The following GNA14 variants were observed in gnomAD, a reference collection of about 807,000 sequenced individuals.
GNA14 encodes the protein G protein subunit alpha 14, also known as guanine nucleotide-binding protein subunit alpha-14.
Under a neutral mutation model 42.0 loss-of-function variants are expected in GNA14, and 50 were observed. The ratio of observed to expected loss-of-function variants is 1.19; its 90% CI spans 0.95 to 1.51. GNA14 has a LOEUF of 1.51. GNA14 is among the 40% of genes most tolerant of loss of function. The pLI is 0.00. For synonymous variants in GNA14, 173 were observed against 163.1 expected (o/e 1.06, Z -0.46); for missense variants, 473 against 446.2 (o/e 1.06, Z -0.54).
intron 1 of GNA14, among the ~76,000 whole-genome samples, 191 bp from the exon 2 acceptor site, chr9:77,529,444 G>T (rs909034611): frequency 6.6e-6 from 1 of 152,120 alleles, no homozygotes; most frequent in African/African-American, 2.4e-5. Context: ...TCACGCAAGT[G>T]CCATCCTCAG....
intron 2 of GNA14, among the ~76,000 whole-genome samples, chr9:77,440,174 T>A (rs973318641): frequency 6.6e-6 from 1 of 152,278 alleles, no homozygotes; most frequent in Admixed American, 6.5e-5. Flanking sequence ...CCATATTCAC[T>A]GCTCTGACAG....
At chr9:77,427,105 C>T (rs1470050338) in intron 5 of GNA14, among the ~76,000 whole-genome samples, 2 of 152,096 alleles carry the variant, frequency 1.3e-5, no homozygotes, top group African/African-American at 4.8e-5. Context: ...ATATCTACAA[C>T]CAGGAGGGGA....
chr9:77,598,218 A>G (rs528962111), intron 1 of GNA14, among the ~76,000 whole-genome samples: 1 of 152,320 alleles, frequency 6.6e-6, no homozygotes, highest in African/African-American at 2.4e-5. Context: ...TCTATCACCC[A>G]AAAAGTTTGG....
intron 1 of GNA14, among the ~76,000 whole-genome samples, chr9:77,620,578 G>T (rs1291038111): frequency 6.6e-6 from 1 of 152,124 alleles, no homozygotes; most frequent in Non-Finnish European, 1.5e-5. Flanking sequence ...GCTGGGCGTG[G>T]TGGCTCGTGC....
At chr9:77,537,576 CT>C (rs930727553) in intron 1 of GNA14, among the ~76,000 whole-genome samples, 25 of 152,074 alleles carry the variant, frequency 1.6e-4, no homozygotes, top group African/African-American at 5.8e-4. Context: ...ATACAGATTT[CT>C]TTTTTCTTTG....
intron 1 of GNA14, among the ~76,000 whole-genome samples, chr9:77,536,499 C>T (rs977648705): frequency 2.0e-5 from 3 of 152,036 alleles, no homozygotes; most frequent in Non-Finnish European, 2.9e-5. Flanking sequence ...TACAAGCATG[C>T]GCCACCACAC....
Position 77,431,333 on chromosome 9 carries a change from T to G in GNA14, c.581A>C (p.Asn194Thr). 16 of 1,613,714 alleles carry G rather than the reference T, an allele frequency of 9.9e-6. No individual in the cohort carries two copies. The highest frequency in any genetic ancestry group is 1.4e-5 in the Non-Finnish European group (16 of 1,179,762). ...GIIEYPFDLE[N>T]IIFRMVDVGG... Reference sequence around the variant, plus strand: ...GAGACAGACTTACCGAAAGATGATGTTTTCCAAGTCAAATGGATACTCAAT... The same window carrying G: ...GAGACAGACTTACCGAAAGATGATGGTTTCCAAGTCAAATGGATACTCAAT... The change falls in exon 4 of 7, where the codon AAC becomes ACC. Residue 194 changes from asparagine to threonine, a missense_variant. Coordinates refer to ENST00000341700, the MANE Select transcript of GNA14 (RefSeq NM_004297.4).
chr9:77,470,260 T>C (rs1239591583), intron 2 of GNA14, among the ~76,000 whole-genome samples: 3 of 152,144 alleles, frequency 2.0e-5, no homozygotes, highest in Non-Finnish European at 4.4e-5. Context: ...CCTCAGGACA[T>C]GGGCTGACAC....
intron 2 of GNA14, among the ~76,000 whole-genome samples, chr9:77,519,176 C>T (rs533473549): frequency 3.9e-5 from 6 of 152,234 alleles, no homozygotes; most frequent in African/African-American, 7.2e-5. Context: ...TATGGGAGGC[C>T]GAGGCGGGTG....
chr9:77,596,192 A>G (rs1037261861), intron 1 of GNA14, among the ~76,000 whole-genome samples: 1 of 152,080 alleles, frequency 6.6e-6, no homozygotes, highest in Non-Finnish European at 1.5e-5. Context: ...TATAGAGGTC[A>G]ATAAACAAAT....
chr9:77,484,120 T>C (rs1207061134), intron 2 of GNA14, among the ~76,000 whole-genome samples: 1 of 151,874 alleles, frequency 6.6e-6, no homozygotes, highest in Non-Finnish European at 1.5e-5. Context: ...GAAGAAGAAA[T>C]AACAACTGGA....
chr9:77,571,995 A>C (rs1276547943), intron 1 of GNA14, among the ~76,000 whole-genome samples: 1 of 152,096 alleles, frequency 6.6e-6, no homozygotes, highest in African/African-American at 2.4e-5. Flanking sequence ...ACATTGTGTA[A>C]ATGTTGGTTT....
chr9:77,512,261 A>T (rs1837183359), intron 2 of GNA14, among the ~76,000 whole-genome samples: 1 of 152,244 alleles, frequency 6.6e-6, no homozygotes, highest in Non-Finnish European at 1.5e-5. Context: ...CTTCATGTGG[A>T]TTTGAAGTCA....
At chr9:77,437,914 G>A (rs1181726007) in intron 2 of GNA14, among the ~76,000 whole-genome samples, 1 of 152,244 alleles carries the variant, frequency 6.6e-6, no homozygotes, top group Non-Finnish European at 1.5e-5. Context: ...CTACTGCACA[G>A]ATCCTGACTG....
chr9:77,604,885 C>T (rs1284913364), intron 1 of GNA14, among the ~76,000 whole-genome samples: 1 of 152,214 alleles, frequency 6.6e-6, no homozygotes, highest in African/African-American at 2.4e-5. Flanking sequence ...CATTCCAGTC[C>T]TCTGGTGGAT....
chr9:77,525,955 G>A lies in GNA14; in HGVS notation c.309+3114C>T, dbSNP rs529983367. Among the ~76,000 whole-genome samples, 11 of 149,924 alleles carry A rather than the reference G, an allele frequency of 7.3e-5. No homozygotes were observed. The South Asian group carries it at 2.3e-3, about 31-fold the overall frequency. On this transcript the variant is annotated intron_variant, in intron 2 of 6. Coordinates refer to ENST00000341700, the MANE Select transcript of GNA14 (RefSeq NM_004297.4). ...TTTCACTTTGTCCCCTGGCTGGAGT[G>A]CAGAGGCACCATCTGAGCTCACTGC...
intron 2 of GNA14, among the ~76,000 whole-genome samples, chr9:77,454,284 C>A (rs1432475829): frequency 2.0e-5 from 3 of 152,222 alleles, no homozygotes; most frequent in East Asian, 3.9e-4. Flanking sequence ...TCAGATTCTA[C>A]CCCTAAACTT....
chr9:77,647,615 G>T, intron 1 of GNA14, 55 bp downstream of exon 1: 4 of 1,574,354 alleles, frequency 2.5e-6, no homozygotes, highest in Non-Finnish European at 3.4e-6. Context: ...GAGAGGCCGG[G>T]AGGGCTCGGA....
chr9:77,478,507 T>C (rs1836477556), intron 2 of GNA14, among the ~76,000 whole-genome samples: 1 of 152,194 alleles, frequency 6.6e-6, no homozygotes, highest in African/African-American at 2.4e-5. Flanking sequence ...TGTGTCTTTA[T>C]AGCAGCATGA....
Sources: gnomAD v4.1 joint callset for allele counts (sites outside exome capture counted in the v4.1 genomes callset) on GRCh38, gnomAD v4.1.1 for gene constraint, MANE v1.5 for transcripts, NCBI Gene and HGNC (gene_info 2026-07-23, HGNC 2026-07-21) for gene names.